The following UNC13C variants were observed in gnomAD, a reference collection of about 807,000 sequenced individuals.
UNC13C encodes protein unc-13 homolog C.
Under a neutral mutation model 245.4 loss-of-function variants are expected in UNC13C, and 174 were observed. The ratio of observed to expected loss-of-function variants is 0.71; its 90% CI spans 0.63 to 0.80. The LOEUF is 0.80. Among genes scored for constraint, UNC13C ranks in the 30% least tolerant of loss-of-function variants. UNC13C has a pLI of 0.00. For missense variants in UNC13C, 2,829 were observed against 2,602.9 expected, an observed-to-expected ratio of 1.09 and a Z score of -1.89; for synonymous variants, 992 against 895.1, an observed-to-expected ratio of 1.11 and a Z score of -1.93.
chr15:54,143,390 CAT>C (rs1325196392), intron 3 of UNC13C, among the ~76,000 whole-genome samples: 1 of 152,124 alleles, frequency 6.6e-6, no homozygotes, highest in African/African-American at 2.4e-5. Flanking sequence ...TGGAATATGA[CAT>C]ATTTTCCGGG....
At chr15:54,029,126 G>A (rs1008282162) in intron 2 of UNC13C, among the ~76,000 whole-genome samples, 1 of 152,114 alleles carries the variant, frequency 6.6e-6, no homozygotes, top group African/African-American at 2.4e-5. Context: ...TTATTTTTGG[G>A]TTTGAATTCT....
At chr15:54,220,779 A>G (rs1479102214) in intron 4 of UNC13C, among the ~76,000 whole-genome samples, 1 of 151,422 alleles carries the variant, frequency 6.6e-6, no homozygotes, top group African/African-American at 2.4e-5. Flanking sequence ...AACAACTGCA[A>G]TGTCTTATTG....
intron 14 of UNC13C, among the ~76,000 whole-genome samples, chr15:54,328,536 T>C (rs2038356503): frequency 1.3e-5 from 2 of 152,084 alleles, no homozygotes; most frequent in Non-Finnish European, 2.9e-5. Context: ...TAAGCATCAT[T>C]AGCTTCTGGT....
At chr15:54,303,003 T>G (rs2037628101) in intron 13 of UNC13C, among the ~76,000 whole-genome samples, 1 of 152,112 alleles carries the variant, frequency 6.6e-6, no homozygotes, top group Admixed American at 6.5e-5. Flanking sequence ...AGAATGTCCT[T>G]ATGCTAAATA....
chr15:54,552,438 TATTA>T (rs1896790751), intron 28 of UNC13C, among the ~76,000 whole-genome samples: 1 of 3,430 alleles, frequency 2.9e-4, no homozygotes, highest in Non-Finnish European at 4.0e-4. Flanking sequence ...TATAATTATA[TATTA>T]CAATATATAA....
At chr15:54,350,192 G>A (rs765318787) in intron 17 of UNC13C, among the ~76,000 whole-genome samples, 10 of 152,078 alleles carry the variant, frequency 6.6e-5, no homozygotes, top group Non-Finnish European at 8.8e-5. Flanking sequence ...GGGTTTCACC[G>A]TGTTAGCCAG....
intron 4 of UNC13C, among the ~76,000 whole-genome samples, chr15:54,157,033 A>C (rs2032779168): frequency 6.6e-6 from 1 of 152,092 alleles, no homozygotes; most frequent in Non-Finnish European, 1.5e-5. Flanking sequence ...ACTGTATGTG[A>C]ACTTGAGCTG....
intron 11 of UNC13C, 113 bp downstream of exon 11, chr15:54,294,177 CT>C (rs1314048711): frequency 2.2e-6 from 2 of 921,896 alleles, no homozygotes; most frequent in Admixed American, 6.2e-5. Context: ...CCAGGACATT[CT>C]GTTGAACTTT....
chr15:54,588,233 A>G (rs11071089), intron 30 of UNC13C, among the ~76,000 whole-genome samples: 82,950 of 152,078 alleles, frequency 0.55, 22,699 homozygotes, highest in South Asian at 0.64. Context: ...GAAATGCAAC[A>G]GAAATGCTGA....
chr15:54,306,848 T>G (rs1057040149), intron 13 of UNC13C, among the ~76,000 whole-genome samples: 1 of 151,994 alleles, frequency 6.6e-6, no homozygotes, highest in Non-Finnish European at 1.5e-5. Context: ...CTAATTTATA[T>G]TTAAATCAGA....
At chr15:54,288,324 T>G (rs1159888426) in intron 10 of UNC13C, among the ~76,000 whole-genome samples, 6 of 152,102 alleles carry the variant, frequency 3.9e-5, no homozygotes, top group Admixed American at 6.6e-5. Flanking sequence ...TTTGCTCATT[T>G]TATCAGTGCC....
the UNC13C span, among the ~76,000 whole-genome samples, chr15:53,873,241 G>C: frequency 6.6e-6 from 1 of 152,218 alleles, no homozygotes; most frequent in East Asian, 1.9e-4. Flanking sequence ...GCCTTCAACT[G>C]TTGGTTCTGG....
chr15:54,603,391 CT>C (rs1453489500), intron 30 of UNC13C, among the ~76,000 whole-genome samples: 1 of 152,176 alleles, frequency 6.6e-6, no homozygotes, highest in Non-Finnish European at 1.5e-5. Flanking sequence ...AGAACACACC[CT>C]GTATAGTGAA....
intron 31 of UNC13C, 104 bp downstream of exon 31, chr15:54,622,523 AT>A: frequency 1.2e-6 from 1 of 811,160 alleles, no homozygotes; most frequent in Non-Finnish European, 1.9e-6. Context: ...CTGCACAATT[AT>A]TTTAGGGCAT....
intron 7 of UNC13C, among the ~76,000 whole-genome samples, chr15:54,243,435 G>T (rs1022465749): frequency 2.6e-5 from 4 of 152,078 alleles, no homozygotes; most frequent in South Asian, 2.1e-4. Context: ...GAACAGTGCT[G>T]CAATGAACAT....
intron 2 of UNC13C, among the ~76,000 whole-genome samples, chr15:54,055,952 A>G (rs1897495369): frequency 6.6e-6 from 1 of 152,190 alleles, no homozygotes; most frequent in Non-Finnish European, 1.5e-5. Context: ...CTTCACATCT[A>G]CTGGATACCT....
chr15:54,143,128 C>A, intron 3 of UNC13C, 88 bp downstream of exon 3: 1 of 1,294,006 alleles, frequency 7.7e-7, no homozygotes, highest in Non-Finnish European at 1.1e-6. Flanking sequence ...TTTGATTCCT[C>A]TGTTTTAGTT....
the UNC13C span, among the ~76,000 whole-genome samples, chr15:53,897,356 A>G: frequency 6.6e-6 from 1 of 152,234 alleles, no homozygotes; most frequent in Non-Finnish European, 1.5e-5. Flanking sequence ...TTACCAGCTC[A>G]GTCATCTCTC....
At chr15:53,967,447 C>G in the UNC13C span, among the ~76,000 whole-genome samples, 5 of 151,920 alleles carry the variant, frequency 3.3e-5, no homozygotes, top group Non-Finnish European at 7.4e-5. Context: ...TGGGGCTTTA[C>G]CTGTTCTCAA....
Sources: gnomAD v4.1 joint callset for allele counts (sites outside exome capture counted in the v4.1 genomes callset) on GRCh38, gnomAD v4.1.1 for gene constraint, MANE v1.5 for transcripts, NCBI Gene and HGNC (gene_info 2026-07-23, HGNC 2026-07-21) for gene names.